The following ZFHX3 variants were observed in gnomAD, a reference collection of about 807,000 sequenced individuals.
ZFHX3 encodes the protein zinc finger homeobox 3, also known as zinc finger homeobox protein 3.
A neutral mutation model predicts 279.1 loss-of-function variants in ZFHX3; 42 were observed. The ratio of observed to expected loss-of-function variants is 0.15; its 90% CI spans 0.12 to 0.19. The LOEUF is 0.19. Ranked by LOEUF, ZFHX3 falls within the 10% of genes least tolerant of loss-of-function variation. ZFHX3 has a pLI of 1.00. For synonymous variants in ZFHX3, 2,293 were observed against 1,957.8 expected (o/e 1.17, Z -4.52); for missense variants, 4,981 against 4,754.0 (o/e 1.05, Z -1.40).
chr16:73,120,650 C>CTTTTTTTT (rs1174733016), intron 7 of ZFHX3, among the ~76,000 whole-genome samples: 2 of 110,724 alleles, frequency 1.8e-5, no homozygotes, highest in African/African-American at 4.0e-5. Context: ...TCCTCTCTAC[C>CTTTTTTTT]TTTTTTTTTT....
In ZFHX3 at chr16:72,842,060, G is replaced by C. The variant is rs76922130; in HGVS notation, c.3449-12201C>G. Among the ~76,000 whole-genome samples the C allele has an allele frequency of 8.6e-3, 1,312 of 152,206 alleles. 26 individuals carry two copies. The highest frequency in any genetic ancestry group is 0.027 in the African/African-American group (1,135 of 41,510). On this transcript the variant is annotated intron_variant, in intron 4 of 9. Transcript: ENST00000268489. ...AATAAGGGATCTATAGAAATTTGTA[G>C]CACACAATTACATTTTAAAGAAATA...
intron 5 of ZFHX3, chr16:73,144,349 G>T (rs1966855232): frequency 6.5e-6 from 1 of 152,998 alleles, no homozygotes; most frequent in Non-Finnish European, 1.5e-5. Context: ...GCTGCGGTGA[G>T]TTGGCTGCCG....
At chr16:73,265,112 T>C (rs2013939714) in intron 4 of ZFHX3, among the ~76,000 whole-genome samples, 1 of 149,476 alleles carries the variant, frequency 6.7e-6, no homozygotes, top group African/African-American at 2.5e-5. Flanking sequence ...TGTGTGTGTA[T>C]ATAACAGTTT....
chr16:72,884,353 C>A (rs551804500), intron 4 of ZFHX3, among the ~76,000 whole-genome samples: 9 of 152,288 alleles, frequency 5.9e-5, no homozygotes, highest in Admixed American at 5.2e-4. Flanking sequence ...CCAAGCAAAA[C>A]AAGTCTCTTA....
intron 3 of ZFHX3, among the ~76,000 whole-genome samples, chr16:73,406,105 G>A (rs924581823): frequency 5.3e-5 from 8 of 152,236 alleles, no homozygotes; most frequent in Admixed American, 3.3e-4. Context: ...CTGGGAAGCC[G>A]GCCTCAGGAT....
In ZFHX3 at chr16:73,122,427, G is replaced by A. The variant is rs553521863; in HGVS notation, c.-897+8541C>T. ...TCATCATGTTGGCCAGGCTGGTCTC[G>A]AAACCCGGACCTCAAGTGGTCTGCC... On this transcript the variant is annotated intron_variant, in intron 7 of 17. Transcript: ENST00000641206. Among the ~76,000 whole-genome samples the A allele has an allele frequency of 3.3e-5, 5 of 151,532 alleles. 1 individual carries two copies. The South Asian group carries it at 8.3e-4, about 25-fold the overall frequency.
At chr16:73,247,599 T>C (rs1279885179) in intron 5 of ZFHX3, among the ~76,000 whole-genome samples, 1 of 151,840 alleles carries the variant, frequency 6.6e-6, no homozygotes, top group Non-Finnish European at 1.5e-5. Context: ...ATATGATGTG[T>C]CTGTGTATAT....
chr16:73,738,214 G>C (rs1332262973), intron 1 of ZFHX3, among the ~76,000 whole-genome samples: 1 of 152,156 alleles, frequency 6.6e-6, no homozygotes. Context: ...CCTTTGCTTT[G>C]TCTAGATGCT....
intron 3 of ZFHX3, among the ~76,000 whole-genome samples, chr16:72,922,327 C>T (rs1434177570): frequency 2.6e-5 from 4 of 152,170 alleles, no homozygotes; most frequent in Non-Finnish European, 5.9e-5. Context: ...CTAACCATCC[C>T]CGCATTAGGA....
At chr16:73,299,490 G>A (rs1326371263) in intron 4 of ZFHX3, among the ~76,000 whole-genome samples, 2 of 152,148 alleles carry the variant, frequency 1.3e-5, no homozygotes, top group Non-Finnish European at 2.9e-5. Context: ...TGAGGCCATC[G>A]CTGCCACCGC....
chr16:73,818,294 A>T (rs1316918251), intron 1 of ZFHX3, among the ~76,000 whole-genome samples: 1 of 152,212 alleles, frequency 6.6e-6, no homozygotes, highest in Admixed American at 6.5e-5. Context: ...AAGGGGGGAA[A>T]AAGGGAAAAC....
chr16:72,844,792 T>C (rs933704078), intron 4 of ZFHX3, among the ~76,000 whole-genome samples: 6 of 152,182 alleles, frequency 3.9e-5, no homozygotes, highest in African/African-American at 1.4e-4. Context: ...TATGCATTTG[T>C]GGCATTGGTA....
At chr16:73,543,173 T>A (rs1232319944) in intron 2 of ZFHX3, among the ~76,000 whole-genome samples, 1 of 152,192 alleles carries the variant, frequency 6.6e-6, no homozygotes, top group Non-Finnish European at 1.5e-5. Flanking sequence ...GGTTTATGAC[T>A]TCATTAGAAT....
At chr16:73,353,376 C>G (rs531768684) in intron 3 of ZFHX3, among the ~76,000 whole-genome samples, 1 of 152,208 alleles carries the variant, frequency 6.6e-6, no homozygotes, top group Admixed American at 6.5e-5. Context: ...GACCCAGGAT[C>G]CTGCTTGGCT....
chr16:73,488,026 T>C (rs1281757690), intron 2 of ZFHX3, among the ~76,000 whole-genome samples: 1 of 152,178 alleles, frequency 6.6e-6, no homozygotes, highest in Admixed American at 6.5e-5. Context: ...ATGTCTAGCA[T>C]AAATGTTCTA....
intron 1 of ZFHX3, among the ~76,000 whole-genome samples, chr16:73,791,459 T>A (rs902234328): frequency 2.0e-5 from 3 of 151,882 alleles, no homozygotes; most frequent in Admixed American, 6.6e-5. Flanking sequence ...GGAGTCTTGC[T>A]CTGTTGCCAG....
intron 1 of ZFHX3, among the ~76,000 whole-genome samples, chr16:73,020,519 C>T (rs1964261479): frequency 1.3e-5 from 2 of 152,214 alleles, no homozygotes; most frequent in East Asian, 1.9e-4. Flanking sequence ...AAACGGGCAA[C>T]GCGGGACCCA....
At position 72,959,004 on chromosome 16, in the gene ZFHX3, G is replaced by A. The variant is rs142313117; in HGVS notation, c.1142C>T (p.Ala381Val). 90 of 1,610,324 alleles carry A rather than the reference G, an allele frequency of 5.6e-5. No homozygotes were observed. Among genetic ancestry groups the A allele is most frequent in the East Asian group, 1.1e-4 (5 of 44,850 alleles). The change falls in exon 2 of 10, where the codon GCG becomes GTG. Residue 381 changes from alanine to valine, a missense_variant. By Grantham distance (64) the Ala-to-Val change is moderately conservative. This residue lies in a region of ZFHX3 where 1,068 missense variants were observed against 935.2 expected (regional missense o/e 1.14). Coordinates refer to ENST00000268489, the MANE Select transcript of ZFHX3 (RefSeq NM_006885.4). ...CTGCTCGGGGCCAGCGGCGGAGCCC[G>A]CTGGGAGAGCTTCCTCCCCTTCCAT... ...IRMEGEEALP[A>V]GSAAGPEQPQ...
intron 2 of ZFHX3, among the ~76,000 whole-genome samples, chr16:73,559,666 G>A (rs568847372): frequency 1.0e-3 from 158 of 152,272 alleles, no homozygotes; most frequent in African/African-American, 3.6e-3. Context: ...CAGTGCAAAT[G>A]TTCTATATTT....
Sources: gnomAD v4.1 joint callset for allele counts (sites outside exome capture counted in the v4.1 genomes callset) on GRCh38, gnomAD v4.1.1 for gene constraint, gnomAD v4.1.1 regional missense constraint, MANE v1.5 for transcripts, NCBI Gene and HGNC (gene_info 2026-07-23, HGNC 2026-07-21) for gene names.